CTBP2: variants seen among roughly 807,000 people sequenced by gnomAD.
CTBP2 encodes the protein C-terminal-binding protein 2.
A neutral mutation model predicts 80.3 loss-of-function variants in CTBP2; 30 were observed. The observed-to-expected ratio is 0.37, with a 90% CI of 0.28 to 0.51. The LOEUF (loss-of-function observed/expected upper bound fraction) is 0.51. Among genes scored for constraint, CTBP2 ranks in the 20% least tolerant of loss-of-function variants. The pLI is 0.93. For synonymous variants in CTBP2, 594 were observed against 587.4 expected (o/e 1.01, Z -0.16); for missense variants, 1,212 against 1,375.3 (o/e 0.88, Z 1.88).
upstream of CTBP2, among the ~76,000 whole-genome samples, chr10:125,029,249 T>TC (rs1161188838): frequency 7.9e-5 from 12 of 151,264 alleles, no homozygotes; most frequent in Non-Finnish European, 3.0e-5. Flanking sequence ...GACACAGTTT[T>TC]TTTTTTTTTT....
At chr10:125,104,114 C>T (rs1205854988) in intron 2 of CTBP2, among the ~76,000 whole-genome samples, 1 of 152,218 alleles carries the variant, frequency 6.6e-6, no homozygotes, top group Non-Finnish European at 1.5e-5. Context: ...TATTAAAAGA[C>T]AGCACGGTAC....
At position 124,997,960 on chromosome 10, in the gene CTBP2, G is replaced by C; in HGVS notation, c.2185+4C>G. ...TGGGGGTCAGCGCAGAGGGTGGCAC[G>C]TACCAAAGCCAATGAGGCCCAGCGT... On this transcript the variant is annotated splice_donor_region_variant and intron_variant, in intron 4 of 8. Coordinates refer to ENST00000309035, the MANE Select transcript of CTBP2 (RefSeq NM_022802.3). 6.2e-7 allele frequency: 1 copy of C among 1,610,680 alleles called. No homozygotes were observed.
intron 1 of CTBP2, among the ~76,000 whole-genome samples, chr10:125,140,390 G>A (rs539606508): frequency 2.0e-4 from 30 of 152,022 alleles, no homozygotes; most frequent in African/African-American, 6.8e-4. Flanking sequence ...CCTGACTGAT[G>A]TGATGAGGGA....
chr10:125,100,981 G>T (rs1179986988), intron 2 of CTBP2, among the ~76,000 whole-genome samples: 1 of 152,016 alleles, frequency 6.6e-6, no homozygotes, highest in East Asian at 1.9e-4. Flanking sequence ...TCTCTTTTAT[G>T]GCCAGAACTT....
In CTBP2 at chr10:124,984,735, T is replaced by C. The variant is rs748210432; in HGVS notation, c.*4783A>G. 6.3e-7 allele frequency: 1 copy of C among 1,595,222 alleles called. No individual in the cohort carries two copies. The highest frequency in any genetic ancestry group is 1.3e-5 in the African/African-American group (1 of 74,694). ...ACATTCCTACCAAGTCTCTGATCTG[T>C]TGTATGATTTTCCCTTTGTCTTCAT... is the stretch of plus-strand genomic sequence containing the variant. On this transcript the variant is annotated 3_prime_UTR_variant, in exon 9 of 9. Coordinates refer to ENST00000309035, the MANE Select transcript of CTBP2 (RefSeq NM_022802.3).
intron 2 of CTBP2, among the ~76,000 whole-genome samples, chr10:125,085,648 C>T (rs942821481): frequency 3.3e-5 from 5 of 152,362 alleles, no homozygotes; most frequent in Admixed American, 3.3e-4. Context: ...CAGCAAATCA[C>T]TCCATGGGGA....
intron 2 of CTBP2, among the ~76,000 whole-genome samples, chr10:125,044,381 C>T (rs2135084607): frequency 6.6e-6 from 1 of 152,216 alleles, no homozygotes; most frequent in African/African-American, 2.4e-5. Flanking sequence ...GTTAACAGGG[C>T]CTTGAGAACG....
intron 1 of CTBP2, 107 bp downstream of exon 1, chr10:125,160,212 T>A (rs1861709524): frequency 6.7e-6 from 1 of 150,144 alleles, no homozygotes; most frequent in Non-Finnish European, 1.5e-5. Flanking sequence ...CTCCTCCTCC[T>A]CCTCCCTGAG....
intron 2 of CTBP2, among the ~76,000 whole-genome samples, chr10:125,049,465 C>T (rs1962193008): frequency 6.6e-6 from 1 of 152,224 alleles, no homozygotes; most frequent in South Asian, 2.1e-4. Context: ...GGCAGCGCCT[C>T]TCCACCTTCT....
intron 2 of CTBP2, among the ~76,000 whole-genome samples, chr10:125,102,206 G>C (rs1850737702): frequency 6.6e-6 from 1 of 152,216 alleles, no homozygotes; most frequent in Admixed American, 6.5e-5. Context: ...CACCATCAGA[G>C]GAGGACAAGG....
At chr10:125,107,417 C>A (rs1441124597) in intron 2 of CTBP2, among the ~76,000 whole-genome samples, 1 of 149,930 alleles carries the variant, frequency 6.7e-6, no homozygotes. Flanking sequence ...GGGCCACACA[C>A]TGGGACCAGA....
At chr10:125,115,991 C>A (rs1308811976) in intron 1 of CTBP2, among the ~76,000 whole-genome samples, 1 of 152,170 alleles carries the variant, frequency 6.6e-6, no homozygotes, top group African/African-American at 2.4e-5. Context: ...GGACTAGATG[C>A]AACATCAACT....
At chr10:125,091,026 C>T (rs892762656) in intron 2 of CTBP2, among the ~76,000 whole-genome samples, 6 of 152,188 alleles carry the variant, frequency 3.9e-5, no homozygotes, top group Admixed American at 3.3e-4. Flanking sequence ...GAATTGAGCC[C>T]AGGCAGCTGG....
intron 8 of CTBP2, among the ~76,000 whole-genome samples, chr10:124,990,094 GCAGTGGCGTGAGCAATCTCAGC>G (rs1952401952): frequency 6.7e-6 from 1 of 149,790 alleles, no homozygotes; most frequent in African/African-American, 2.5e-5. Flanking sequence ...AGTCTGGAGT[GCAGTGGCGTGAGCAATCTCAGC>G]CCACTGCAAC....
chr10:125,147,774 G>A (rs182334707), intron 1 of CTBP2, among the ~76,000 whole-genome samples: 1 of 152,174 alleles, frequency 6.6e-6, no homozygotes, highest in East Asian at 1.9e-4. Flanking sequence ...CCCTGTACCT[G>A]TAGTCCCACC....
chr10:124,991,893 TG>T (rs11459870), intron 8 of CTBP2, among the ~76,000 whole-genome samples: 8,454 of 60,082 alleles, frequency 0.14, 250 homozygotes, highest in East Asian at 0.38. Context: ...CCAGCAATAA[TG>T]GGGGGGGGGG....
intron 2 of CTBP2, among the ~76,000 whole-genome samples, chr10:125,061,069 A>G (rs572615812): frequency 1.3e-5 from 2 of 152,340 alleles, no homozygotes; most frequent in African/African-American, 4.8e-5. Context: ...CTGCGGTGGC[A>G]AACAGCCCTG....
At chr10:125,134,119 G>A (rs553086450) in intron 1 of CTBP2, among the ~76,000 whole-genome samples, 7 of 152,308 alleles carry the variant, frequency 4.6e-5, no homozygotes, top group East Asian at 3.9e-4. Flanking sequence ...CTAGTTACTC[G>A]CTGCATGCTG....
intron 2 of CTBP2, among the ~76,000 whole-genome samples, chr10:125,091,032 G>C (rs1848687044): frequency 6.6e-6 from 1 of 152,220 alleles, no homozygotes; most frequent in African/African-American, 2.4e-5. Context: ...AGCCCAGGCA[G>C]CTGGATGCTA....
Sources: allele counts gnomAD v4.1 joint callset (sites outside exome capture counted in the v4.1 genomes callset), GRCh38; gene constraint gnomAD v4.1.1; transcripts MANE v1.5; gene names NCBI Gene and HGNC (gene_info 2026-07-23, HGNC 2026-07-21).